CLSTN2: variants seen among roughly 807,000 people sequenced by gnomAD.
The protein encoded by CLSTN2 is calsyntenin 2.
In CLSTN2, 48 loss-of-function variants were observed where a neutral mutation model predicts 101.2. The observed-to-expected ratio is 0.47, with a 90% CI of 0.38 to 0.60. The LOEUF is 0.60. Ranked by LOEUF, CLSTN2 falls within the 20% of genes least tolerant of loss-of-function variation. The pLI is 0.00. For missense variants in CLSTN2, 1,160 were observed against 1,238.2 expected (o/e 0.94, Z 0.95); for synonymous variants, 481 against 463.6 (o/e 1.04, Z -0.48).
chr3:140,284,630 C>T (rs190577708), intron 2 of CLSTN2, among the ~76,000 whole-genome samples: 1 of 152,214 alleles, frequency 6.6e-6, no homozygotes, highest in East Asian at 1.9e-4. Flanking sequence ...GCTCCAGCAG[C>T]ACAAATCCTC....
intron 9 of CLSTN2, among the ~76,000 whole-genome samples, chr3:140,545,074 G>A (rs1009938518): frequency 6.6e-6 from 1 of 152,014 alleles, no homozygotes; most frequent in African/African-American, 2.4e-5. Flanking sequence ...ACTCTAAAGA[G>A]AACTCTAAAG....
chr3:140,461,864 A>C (rs1007021828), intron 7 of CLSTN2, among the ~76,000 whole-genome samples: 1 of 152,142 alleles, frequency 6.6e-6, no homozygotes, highest in African/African-American at 2.4e-5. Context: ...CAAGATTGGC[A>C]CAGAGAAAGT....
At chr3:140,357,304 A>G (rs1262725999) in intron 2 of CLSTN2, among the ~76,000 whole-genome samples, 2 of 152,136 alleles carry the variant, frequency 1.3e-5, no homozygotes, top group Non-Finnish European at 2.9e-5. Context: ...CAAGGGATAT[A>G]TGCATCAGAT....
chr3:139,988,247 C>G (rs17338318), intron 1 of CLSTN2, among the ~76,000 whole-genome samples: 76,773 of 151,984 alleles, frequency 0.51, 20,723 homozygotes, highest in East Asian at 0.79. Flanking sequence ...TTGTTGGGCC[C>G]AATTAGACTT....
At chr3:140,126,267 G>A (rs533696675) in intron 1 of CLSTN2, among the ~76,000 whole-genome samples, 18 of 152,192 alleles carry the variant, frequency 1.2e-4, no homozygotes, top group Middle Eastern at 6.8e-3. Context: ...TTGGAGAATG[G>A]CATGGTGGGG....
At chr3:139,959,903 C>A (rs1319382186) in intron 1 of CLSTN2, among the ~76,000 whole-genome samples, 2 of 152,140 alleles carry the variant, frequency 1.3e-5, no homozygotes, top group Admixed American at 6.5e-5. Flanking sequence ...TTTGACTGAG[C>A]TAACCTTCTC....
intron 1 of CLSTN2, among the ~76,000 whole-genome samples, chr3:140,056,892 A>T (rs1477334702): frequency 2.6e-5 from 4 of 152,250 alleles, no homozygotes; most frequent in Non-Finnish European, 5.9e-5. Flanking sequence ...AAAGTGTGAC[A>T]TCAGTGCCCA....
chr3:140,119,776 C>T (rs138346936), intron 1 of CLSTN2, among the ~76,000 whole-genome samples: 70 of 152,324 alleles, frequency 4.6e-4, no homozygotes, highest in Middle Eastern at 6.8e-3. Context: ...GCTGGGATTA[C>T]AGGCATGAAC....
chr3:140,519,946 G>A (rs928305611), intron 8 of CLSTN2, among the ~76,000 whole-genome samples: 1 of 152,176 alleles, frequency 6.6e-6, no homozygotes, highest in Admixed American at 6.5e-5. Context: ...GGCTGGTAAT[G>A]GTTTTTTCTT....
At chr3:140,096,347 C>T (rs1033944484) in intron 1 of CLSTN2, among the ~76,000 whole-genome samples, 3 of 152,090 alleles carry the variant, frequency 2.0e-5, no homozygotes, top group South Asian at 2.1e-4. Flanking sequence ...GGAAGGTTTC[C>T]GATAATTCAA....
intron 12 of CLSTN2, among the ~76,000 whole-genome samples, chr3:140,559,126 T>C (rs1444154118): frequency 2.0e-5 from 3 of 150,236 alleles, no homozygotes; most frequent in African/African-American, 7.4e-5. Flanking sequence ...GACACAAAGT[T>C]ACATAGTACC....
intron 2 of CLSTN2, among the ~76,000 whole-genome samples, chr3:140,271,843 G>A (rs2086744960): frequency 6.6e-6 from 1 of 152,212 alleles, no homozygotes; most frequent in Non-Finnish European, 1.5e-5. Flanking sequence ...CGCTACATGT[G>A]CTTGTATAAT....
At chr3:140,067,342 C>T (rs142573669) in intron 1 of CLSTN2, among the ~76,000 whole-genome samples, 107 of 152,278 alleles carry the variant, frequency 7.0e-4, no homozygotes, top group South Asian at 2.5e-3. Flanking sequence ...GTTCAGCTCT[C>T]CAGCTCCATT....
intron 1 of CLSTN2, among the ~76,000 whole-genome samples, chr3:140,014,943 T>C (rs753542783): frequency 1.3e-5 from 2 of 152,226 alleles, no homozygotes; most frequent in Non-Finnish European, 2.9e-5. Context: ...GTGAAAGTTC[T>C]GCTTACAAGC....
At chr3:140,358,724 C>A (rs1156888791) in intron 2 of CLSTN2, among the ~76,000 whole-genome samples, 1 of 152,112 alleles carries the variant, frequency 6.6e-6, no homozygotes, top group East Asian at 1.9e-4. Context: ...ATGCCCCCAC[C>A]TCTTCACTCC....
At chr3:140,314,099 T>A (rs2087204490) in intron 2 of CLSTN2, among the ~76,000 whole-genome samples, 1 of 152,232 alleles carries the variant, frequency 6.6e-6, no homozygotes, top group Non-Finnish European at 1.5e-5. Context: ...ACCCTGGACA[T>A]TTCCCTGTCT....
intron 7 of CLSTN2, among the ~76,000 whole-genome samples, chr3:140,465,486 A>G (rs539637683): frequency 9.5e-4 from 144 of 152,334 alleles, no homozygotes; most frequent in African/African-American, 3.4e-3. Flanking sequence ...AATGGCCTGC[A>G]CTAGGAACAT....
At chr3:140,396,399 G>A (rs2088182500) in intron 2 of CLSTN2, among the ~76,000 whole-genome samples, 1 of 152,150 alleles carries the variant, frequency 6.6e-6, no homozygotes, top group Non-Finnish European at 1.5e-5. Context: ...TCTACCTTCA[G>A]CCTTTTCAGT....
intron 2 of CLSTN2, among the ~76,000 whole-genome samples, chr3:140,342,108 T>G (rs1002487443): frequency 1.3e-5 from 2 of 152,210 alleles, no homozygotes; most frequent in African/African-American, 4.8e-5. Context: ...TTTGTGAAGA[T>G]GGAAGATTCT....
Sources: gnomAD v4.1 joint callset for allele counts (sites outside exome capture counted in the v4.1 genomes callset) on GRCh38, gnomAD v4.1.1 for gene constraint, MANE v1.5 for transcripts, NCBI Gene and HGNC (gene_info 2026-07-23, HGNC 2026-07-21) for gene names.